Variants in LAMP1 observed in about 807,000 individuals in gnomAD.
LAMP1 encodes the protein lysosome-associated membrane glycoprotein 1.
In LAMP1, 7 loss-of-function variants were observed where a neutral mutation model predicts 37.5. The observed-to-expected ratio is 0.19, with a 90% CI of 0.11 to 0.35. The LOEUF is 0.35. Ranked by LOEUF, LAMP1 falls within the 10% of genes least tolerant of loss-of-function variation. LAMP1 has a pLI of 1.00. For missense variants in LAMP1, 537 were observed against 552.8 expected (o/e 0.97, Z 0.29); for synonymous variants, 236 against 229.1 (o/e 1.03, Z -0.27).
chr13:113,311,589 C>T (rs965447808), intron 4 of LAMP1, among the ~76,000 whole-genome samples: 7 of 152,202 alleles, frequency 4.6e-5, no homozygotes, highest in African/African-American at 1.7e-4. Context: ...GAAAGACCAA[C>T]GCTGCCTCTC....
In LAMP1 at chr13:113,320,209, TG is replaced by T; in HGVS notation, c.751-134del. ...TGGGATCCCGAAATCTGTACTAGTG[TG>T]GTCTTTCAGTGTTTTCCTTCTGGTT... On this transcript the variant is annotated intron_variant, in intron 5 of 8. Coordinates refer to ENST00000332556, the MANE Select transcript of LAMP1 (RefSeq NM_005561.4). The surrounding 1 kb of genome is among the most constrained non-coding windows in gnomAD (Gnocchi z 4.4). 2.0e-6 allele frequency: 2 copies of T among 991,410 alleles called. No individual in the cohort carries two copies. The highest frequency in any genetic ancestry group is 3.1e-6 in the Non-Finnish European group (2 of 645,680). The allele number at this position is 991,410 out of a possible 1,614,324, so 61.4% of individuals were successfully genotyped here.
At chr13:113,301,639 AAAAAAATAT>A (rs1339979230) in intron 1 of LAMP1, among the ~76,000 whole-genome samples, 2 of 31,160 alleles carry the variant, frequency 6.4e-5, no homozygotes, top group Admixed American at 4.2e-4. Flanking sequence ...AAAAAAAAAA[AAAAAAATAT>A]ATATATATAT....
chr13:113,315,254 A>C (rs1300792777), intron 4 of LAMP1, among the ~76,000 whole-genome samples: 185 of 79,282 alleles, frequency 2.3e-3, no homozygotes, highest in Middle Eastern at 0.014. Flanking sequence ...CGGAGATGCC[A>C]GTGTGCCTGG....
chr13:113,314,165 G>A (rs184028984), intron 4 of LAMP1, among the ~76,000 whole-genome samples: 3 of 114,098 alleles, frequency 2.6e-5, no homozygotes, highest in Non-Finnish European at 3.3e-5. Flanking sequence ...TGCCTGGGGC[G>A]TGGCCTACTA....
intron 1 of LAMP1, among the ~76,000 whole-genome samples, chr13:113,302,989 T>G (rs973898975): frequency 6.6e-6 from 1 of 152,226 alleles, no homozygotes; most frequent in African/African-American, 2.4e-5. Flanking sequence ...TTAAATGAGA[T>G]AGTTTTTGAT....
intron 1 of LAMP1, among the ~76,000 whole-genome samples, chr13:113,300,801 G>A (rs576153171): frequency 2.7e-4 from 41 of 152,266 alleles, no homozygotes; most frequent in African/African-American, 8.9e-4. Context: ...GCAACAGAGC[G>A]AGACTCCATC....
intron 4 of LAMP1, among the ~76,000 whole-genome samples, chr13:113,317,982 G>A (rs914805039): frequency 3.9e-5 from 6 of 152,218 alleles, no homozygotes; most frequent in African/African-American, 9.6e-5. Context: ...GAGCCACTGC[G>A]CCCAGCAAGT....
At chr13:113,316,547 C>G (rs985740958) in intron 4 of LAMP1, among the ~76,000 whole-genome samples, 11 of 151,880 alleles carry the variant, frequency 7.2e-5, no homozygotes, top group African/African-American at 2.7e-4. Context: ...CTCAGCCTCC[C>G]AAGTAGGTGG....
chr13:113,313,031 TGA>T (rs1039193842), intron 4 of LAMP1, among the ~76,000 whole-genome samples: 19 of 152,104 alleles, frequency 1.2e-4, no homozygotes, highest in African/African-American at 4.3e-4. Flanking sequence ...GCTTGGGAAA[TGA>T]GAGAGAATTG....
Position 113,310,748 on chromosome 13 carries a change from A to T in LAMP1, c.443A>T (p.Asp148Val), listed in dbSNP as rs780113794. ...TVESITDIRA[D>V]IDKKYRCVSG... Reference sequence around the variant, plus strand: ...GAATCTATAACTGACATCAGGGCAGATATAGATAAAAAATACAGATGTGTT... The same window carrying T: ...GAATCTATAACTGACATCAGGGCAGTTATAGATAAAAAATACAGATGTGTT... The change falls in exon 4 of 9, where the codon GAT becomes GTT. Residue 148 changes from aspartate (D) to valine (V), a missense_variant. Physicochemically the swap from Asp to Val is radical, Grantham distance 152. Transcript: ENST00000332556. 17 of 1,612,872 alleles carry T rather than the reference A, an allele frequency of 1.1e-5. No homozygotes were observed. The South Asian group carries it at 1.9e-4, about 18-fold the overall frequency.
intron 1 of LAMP1, among the ~76,000 whole-genome samples, chr13:113,299,847 A>G (rs1361345670): frequency 6.6e-6 from 1 of 152,184 alleles, no homozygotes; most frequent in African/African-American, 2.4e-5. Flanking sequence ...TACAGCCATG[A>G]GCCACCGTGC....
At chr13:113,309,906 G>A (rs1167771614) in intron 3 of LAMP1, 44 bp downstream of exon 3, 3 of 1,504,492 alleles carry the variant, frequency 2.0e-6, no homozygotes, top group Non-Finnish European at 2.8e-6. Context: ...AGAAAATTGG[G>A]TTGGAGGATT....
In LAMP1 at chr13:113,310,817, A is replaced by C. The variant is rs558852088; in HGVS notation, c.512A>C (p.His171Pro). The change falls in exon 4 of 9, where the codon CAT becomes CCT. Residue 171 changes from histidine (H) to proline (P), a missense_variant. His to Pro is a moderately conservative substitution (Grantham distance 77). Transcript: ENST00000332556. ...ATGAACAACGTGACCGTAACGCTCC[A>C]TGATGCCACCATCCAGGCGTACCTT... Reference protein sequence around the residue: ...VHMNNVTVTLHDATIQAYLSN... With the variant: ...VHMNNVTVTLPDATIQAYLSN... The C allele has an allele frequency of 1.4e-5, 22 of 1,613,990 alleles. No individual in the cohort carries two copies. The highest frequency in any genetic ancestry group is 1.8e-5 in the Non-Finnish European group (21 of 1,180,000).
rs991373607 is a variant in LAMP1 at position 113,297,557 on chromosome 13, C to T, written c.61+62C>T. The T allele has an allele frequency of 3.3e-6, 4 of 1,206,434 alleles. No individual in the cohort carries two copies. The highest frequency in any genetic ancestry group is 1.6e-5 in the African/African-American group (1 of 63,464). The allele number at this position is 1,206,434 out of a possible 1,614,324, so 74.7% of individuals were successfully genotyped here. On this transcript the variant is annotated intron_variant, in intron 1 of 8. Coordinates refer to ENST00000332556, the MANE Select transcript of LAMP1 (RefSeq NM_005561.4). The surrounding 1 kb of genome is among the most constrained non-coding windows in gnomAD (Gnocchi z 4.4). ...CCGGGCGGAGCCGAGGTCCCTGGGT[C>T]TTGAGGGCGGGGGACTGCCGGGTCG...
chr13:113,312,348 G>A (rs1478645187), intron 4 of LAMP1, among the ~76,000 whole-genome samples: 1 of 152,154 alleles, frequency 6.6e-6, no homozygotes, highest in African/African-American at 2.4e-5. Context: ...AATTTTCTTG[G>A]AACACAGCCA....
chr13:113,303,923 A>T (rs189387540), intron 1 of LAMP1, among the ~76,000 whole-genome samples: 23 of 152,228 alleles, frequency 1.5e-4, no homozygotes, highest in Admixed American at 1.5e-3. Flanking sequence ...CGTCTCTACT[A>T]AAAATACAAA....
At chr13:113,308,857 A>G (rs529483802) in intron 2 of LAMP1, among the ~76,000 whole-genome samples, 1 of 152,204 alleles carries the variant, frequency 6.6e-6, no homozygotes, top group South Asian at 2.1e-4. Flanking sequence ...TATCTAGTTT[A>G]CTTTGATGAA....
chr13:113,316,891 A>G (rs1454271705), intron 4 of LAMP1, among the ~76,000 whole-genome samples: 1 of 151,974 alleles, frequency 6.6e-6, no homozygotes, highest in Non-Finnish European at 1.5e-5. Flanking sequence ...AAAAAAAAGA[A>G]CTACCATCAG....
At chr13:113,306,354 A>C in intron 1 of LAMP1, 131 bp from the exon 2 acceptor site, 1 of 570,860 alleles carries the variant, frequency 1.8e-6, no homozygotes, top group Non-Finnish European at 2.2e-6. Context: ...ACTCCGTCTC[A>C]AAAAAAAAAA....
Sources: allele counts gnomAD v4.1 joint callset (sites outside exome capture counted in the v4.1 genomes callset), GRCh38; gene constraint gnomAD v4.1.1; non-coding constraint Gnocchi (gnomAD v3.1); transcripts MANE v1.5; gene names NCBI Gene and HGNC (gene_info 2026-07-23, HGNC 2026-07-21).